Variants in AMOT observed in about 807,000 individuals in gnomAD.
AMOT encodes the protein angiomotin.
In AMOT, 11 loss-of-function variants were observed where a neutral mutation model predicts 67.0. That is an observed-to-expected ratio of 0.16 (90% CI 0.10 to 0.27). AMOT has a LOEUF of 0.27. Among genes scored for constraint, AMOT ranks in the 10% least tolerant of loss-of-function variants. The probability of loss-of-function intolerance (pLI) is 1.00; values close to 1 mark genes in which losing one functional copy is unlikely to be tolerated. For synonymous variants in AMOT, 326 were observed against 321.4 expected (o/e 1.01, Z -0.15); for missense variants, 753 against 852.0 (o/e 0.88, Z 1.45).
intron 7 of AMOT, among the ~76,000 whole-genome samples, chrX:112,806,460 A>G (rs1934194933): frequency 9.2e-6 from 1 of 108,313 alleles, no homozygotes; most frequent in Admixed American, 1.0e-4. Flanking sequence ...AATATACTCT[A>G]TGACCTTAGA....
At chrX:112,818,189 G>A (rs1443172726) in intron 4 of AMOT, among the ~76,000 whole-genome samples, 1 of 111,107 alleles carries the variant, frequency 9.0e-6, no homozygotes, top group Non-Finnish European at 1.9e-5. Context: ...AAGACTGAAC[G>A]CCCAGTTCTG....
At chrX:112,795,316 TTCTA>T (rs1402839631) in intron 8 of AMOT, among the ~76,000 whole-genome samples, 1 of 109,476 alleles carries the variant, frequency 9.1e-6, no homozygotes, top group Non-Finnish European at 1.9e-5. Context: ...TATCAGAAAT[TTCTA>T]TCTGACAGCA....
chrX:112,839,572 T>A (rs138570195), intron 1 of AMOT, among the ~76,000 whole-genome samples: 1 of 111,859 alleles, frequency 8.9e-6, no homozygotes, highest in African/African-American at 3.3e-5. Context: ...TTCTAAAACA[T>A]ACACTAGAGA....
chrX:112,779,691 A>G lies in AMOT; in HGVS notation c.2474-11T>C. The G allele has an allele frequency of 8.6e-7, 1 of 1,160,411 alleles. No homozygotes were observed. Among genetic ancestry groups the G allele is most frequent in the Non-Finnish European group, 1.2e-6 (1 of 858,258 alleles). On this transcript the variant is annotated splice_polypyrimidine_tract_variant and intron_variant, in intron 12 of 13. Transcript: ENST00000371959. ...CACCCAGGAGAATGCCTACAAATGAAAGAGGAACAGATGTTAGAAAACAAT... is the reference window on the plus strand; with the variant it reads ...CACCCAGGAGAATGCCTACAAATGAGAGAGGAACAGATGTTAGAAAACAAT...
At chrX:112,826,500 T>C (rs907031169) in intron 2 of AMOT, among the ~76,000 whole-genome samples, 2 of 112,287 alleles carry the variant, frequency 1.8e-5, no homozygotes, top group African/African-American at 6.5e-5. Context: ...ATCTCAAATC[T>C]GCAAGGTAAT....
chrX:112,807,174 G>C (rs1264737862), intron 7 of AMOT, among the ~76,000 whole-genome samples: 1 of 110,537 alleles, frequency 9.0e-6, no homozygotes, highest in Non-Finnish European at 1.9e-5. Context: ...ACCAGCTGAA[G>C]CCCTTTCTAG....
In AMOT at chrX:112,780,945, A is replaced by C. The variant is rs746405064; in HGVS notation, c.2414T>G (p.Leu805Arg). ...GSGLLSHSST[L>R]TGSPIMEEKR... ...TTCTTCCATGATGGGGGAGCCAGTCAGGGTGGATGAGTGGGAGAGCAAGCC... is the reference window on the plus strand; with the variant it reads ...TTCTTCCATGATGGGGGAGCCAGTCCGGGTGGATGAGTGGGAGAGCAAGCC... Residue 805 changes from leucine to arginine, a missense_variant, in exon 12 of 14, where the codon CTG (leucine) becomes CGG (arginine). By Grantham distance (102) the Leu-to-Arg change is moderately radical. Around this residue, in one of 5 missense-constraint regions of AMOT, gnomAD observed 269 missense variants for 300.9 expected, o/e 0.89. Coordinates refer to ENST00000371959, the MANE Select transcript of AMOT (RefSeq NM_001113490.2). The C allele has an allele frequency of 8.3e-7, 1 of 1,210,192 alleles. No individual in the cohort carries two copies. The highest frequency in any genetic ancestry group is 1.7e-5 in the African/African-American group (1 of 57,207).
chrX:112,788,804 AT>A (rs1388626954), intron 10 of AMOT, among the ~76,000 whole-genome samples: 1 of 112,428 alleles, frequency 8.9e-6, no homozygotes, highest in African/African-American at 3.2e-5. Flanking sequence ...CTGTTAAATG[AT>A]AGGCATGCAC....
At chrX:112,787,642 G>C (rs1006457835) in intron 10 of AMOT, among the ~76,000 whole-genome samples, 11 of 110,810 alleles carry the variant, frequency 9.9e-5, no homozygotes, top group African/African-American at 3.6e-4. Context: ...TACAACAGGT[G>C]ATTTTTTAAT....
intron 1 of AMOT, among the ~76,000 whole-genome samples, chrX:112,835,516 C>G (rs1427442186): frequency 9.1e-6 from 1 of 110,468 alleles, no homozygotes; most frequent in Non-Finnish European, 1.9e-5. Flanking sequence ...ACCACACTTT[C>G]TATTCCAGTT....
At chrX:112,785,138 C>T (rs1042383903) in intron 10 of AMOT, among the ~76,000 whole-genome samples, 1 of 112,149 alleles carries the variant, frequency 8.9e-6, no homozygotes, top group Non-Finnish European at 1.9e-5. Flanking sequence ...TACTCCAAGA[C>T]GTTCTTTAAG....
chrX:112,779,740 A>G lies in AMOT; in HGVS notation c.2474-60T>C, dbSNP rs1211955486. 5.2e-6 allele frequency: 4 copies of G among 765,553 alleles called. No homozygotes were observed. In the African/African-American group the frequency reaches 6.4e-5, roughly 12 times the overall value. The allele number at this position is 765,553 out of a possible 1,213,427, so 63.1% of individuals were successfully genotyped here. On this transcript the variant is annotated intron_variant, in intron 12 of 13. Coordinates refer to ENST00000371959, the MANE Select transcript of AMOT (RefSeq NM_001113490.2). ...ATAGGTGATTCAAATCCAGACATCT[A>G]ATTACCTGTTCTCCCATTCAAATTT... is the stretch of plus-strand genomic sequence containing the variant.
chrX:112,833,640 T>A (rs1376469250), intron 1 of AMOT, among the ~76,000 whole-genome samples: 1 of 112,390 alleles, frequency 8.9e-6, no homozygotes, highest in Non-Finnish European at 1.9e-5. Flanking sequence ...TAAAATGGTT[T>A]GTTGTCATTT....
intron 4 of AMOT, among the ~76,000 whole-genome samples, chrX:112,818,065 AG>A (rs1934615277): frequency 9.0e-6 from 1 of 111,484 alleles, no homozygotes; most frequent in African/African-American, 3.3e-5. Context: ...GAGGGGCTTA[AG>A]TTTCATGTTC....
intron 8 of AMOT, among the ~76,000 whole-genome samples, chrX:112,804,143 T>TA (rs1268803244): frequency 9.8e-5 from 11 of 111,771 alleles, no homozygotes; most frequent in African/African-American, 3.6e-4. Flanking sequence ...AGATACATAT[T>TA]AATCATATGC....
intron 10 of AMOT, among the ~76,000 whole-genome samples, chrX:112,783,691 A>ATGTG (rs34787381): frequency 0.13 from 12,906 of 100,423 alleles, 949 homozygotes; most frequent in African/African-American, 0.25. Context: ...AAGGAAAAAC[A>ATGTG]TGTGTGTGTG....
Position 112,815,626 on chromosome X carries a change from C to G in AMOT, c.1124G>C (p.Ser375Thr), listed in dbSNP as rs769756609. ...CTGCTGCTGTTGCTGCTGCTGCTGACTCAGGCCAGGTTGGGAGAGACGGTA... is the reference window on the plus strand; with the variant it reads ...CTGCTGCTGTTGCTGCTGCTGCTGAGTCAGGCCAGGTTGGGAGAGACGGTA... Reference protein sequence around the residue: ...DHYRLSQPGLSQQQQQQQQQH... With the variant: ...DHYRLSQPGLTQQQQQQQQQH... Residue 375 changes from serine (S) to threonine (T), a missense_variant, in exon 5 of 14, where the codon AGT becomes ACT. Transcript: ENST00000371959. 2 of 1,202,125 alleles carry G rather than the reference C, an allele frequency of 1.7e-6. No homozygotes were observed. Among genetic ancestry groups the G allele is most frequent in the South Asian group, 3.6e-5 (2 of 56,010 alleles).
At chrX:112,793,049 T>A (rs1373689817) in intron 8 of AMOT, among the ~76,000 whole-genome samples, 1 of 106,788 alleles carries the variant, frequency 9.4e-6, no homozygotes, top group Non-Finnish European at 1.9e-5. Flanking sequence ...GCTTCCCAAC[T>A]TGTTAATAAA....
At chrX:112,827,143 C>T (rs1324534245) in intron 2 of AMOT, among the ~76,000 whole-genome samples, 1 of 112,845 alleles carries the variant, frequency 8.9e-6, no homozygotes, top group African/African-American at 3.2e-5. Flanking sequence ...AGGCGTGAGC[C>T]ACCACGCTAG....
Sources: allele counts gnomAD v4.1 joint callset (sites outside exome capture counted in the v4.1 genomes callset), GRCh38; gene constraint gnomAD v4.1.1; regional missense constraint gnomAD v4.1.1; transcripts MANE v1.5; gene names NCBI Gene and HGNC (gene_info 2026-07-23, HGNC 2026-07-21).